The following CACNA1S variants were observed in gnomAD, a reference collection of about 807,000 sequenced individuals.
CACNA1S encodes the protein calcium voltage-gated channel subunit alpha1 S, also known as voltage-dependent L-type calcium channel subunit alpha-1S.
Under a neutral mutation model 207.4 loss-of-function variants are expected in CACNA1S, and 126 were observed. The ratio of observed to expected loss-of-function variants is 0.61; its 90% CI spans 0.53 to 0.70. CACNA1S has a LOEUF of 0.70. CACNA1S is among the 30% of genes least tolerant of loss of function. CACNA1S has a pLI of 0.00. For missense variants in CACNA1S, 2,349 were observed against 2,422.8 expected, an observed-to-expected ratio of 0.97 and a Z score of 0.64; for synonymous variants, 960 against 932.7, an observed-to-expected ratio of 1.03 and a Z score of -0.53.
At chr1:201,079,811 C>G (rs555202509) in intron 10 of CACNA1S, among the ~76,000 whole-genome samples, 1 of 152,288 alleles carries the variant, frequency 6.6e-6, no homozygotes, top group Admixed American at 6.5e-5. Context: ...GGGTAGAACA[C>G]CCCTTTTCTC....
At position 201,054,487 on chromosome 1, in the gene CACNA1S, C is replaced by A; in HGVS notation, c.3666+18G>T. 1 of 1,611,340 alleles carries A rather than the reference C, an allele frequency of 6.2e-7. No individual in the cohort carries two copies. Among genetic ancestry groups the A allele is most frequent in the Non-Finnish European group, 8.5e-7 (1 of 1,177,852 alleles). On this transcript the variant is annotated intron_variant, in intron 29 of 43. Coordinates refer to ENST00000362061, the MANE Select transcript of CACNA1S (RefSeq NM_000069.3). Reference sequence around the variant, plus strand: ...AGCTGGTGAGCGTGCCAGGCAGGCTCGTGCAGCCTGAAATTACAACGTTCC... The same window carrying A: ...AGCTGGTGAGCGTGCCAGGCAGGCTAGTGCAGCCTGAAATTACAACGTTCC...
chr1:201,088,462 A>G (rs1460453240), intron 6 of CACNA1S, among the ~76,000 whole-genome samples: 1 of 152,276 alleles, frequency 6.6e-6, no homozygotes, highest in East Asian at 1.9e-4. Flanking sequence ...CACTTACAAT[A>G]AATATTTGTA....
At chr1:201,095,831 C>T (rs567661863) in intron 2 of CACNA1S, among the ~76,000 whole-genome samples, 32 of 152,308 alleles carry the variant, frequency 2.1e-4, no homozygotes, top group Admixed American at 4.6e-4. Context: ...GGCACCCTCC[C>T]TGGCAAGAGG....
At chr1:201,085,637 A>G (rs1662014047) in intron 7 of CACNA1S, 56 bp from the exon 8 acceptor site, 4 of 1,598,604 alleles carry the variant, frequency 2.5e-6, no homozygotes, top group Non-Finnish European at 2.6e-6. Flanking sequence ...GTGTCAAGGA[A>G]AGACTGAGCT....
intron 11 of CACNA1S, 73 bp from the exon 12 acceptor site, chr1:201,077,200 T>C: frequency 7.6e-7 from 1 of 1,310,062 alleles, no homozygotes; most frequent in Non-Finnish European, 1.1e-6. Flanking sequence ...TGGACAGGCT[T>C]GGGGGAAAGA....
intron 28 of CACNA1S, among the ~76,000 whole-genome samples, chr1:201,054,776 T>G (rs1660778908): frequency 1.3e-5 from 2 of 150,824 alleles, no homozygotes; most frequent in African/African-American, 2.4e-5. Context: ...AGGCAAGAGG[T>G]GGGGGACAAG....
intron 19 of CACNA1S, among the ~76,000 whole-genome samples, chr1:201,068,034 C>T (rs922004399): frequency 4.6e-5 from 7 of 152,170 alleles, no homozygotes; most frequent in South Asian, 2.1e-4. Context: ...GCTGGAACCC[C>T]GTGCATCTGT....
At chr1:201,087,695 C>A in intron 7 of CACNA1S, 131 bp downstream of exon 7, 2 of 694,336 alleles carry the variant, frequency 2.9e-6, no homozygotes, top group Non-Finnish European at 5.2e-6. Flanking sequence ...CCTCCTCCTC[C>A]CTTCTCTCCT....
chr1:201,088,470 G>A (rs971659918), intron 6 of CACNA1S, among the ~76,000 whole-genome samples: 2 of 152,042 alleles, frequency 1.3e-5, no homozygotes, highest in Non-Finnish European at 2.9e-5. Context: ...ATAAATATTT[G>A]TACTAATCCT....
chr1:201,091,901 G>C (rs1662247035), intron 4 of CACNA1S, 71 bp downstream of exon 4: 2 of 1,607,694 alleles, frequency 1.2e-6, no homozygotes, highest in Admixed American at 1.7e-5. Context: ...GTAGGAAGGG[G>C]ACCCAGAACT....
Position 201,077,085 on chromosome 1 carries a change from G to C in CACNA1S, c.1662C>G (p.Asn554Lys). 6.2e-7 allele frequency: 1 copy of C among 1,614,210 alleles called. No individual in the cohort carries two copies. Among genetic ancestry groups the C allele is most frequent in the Middle Eastern group, 1.7e-4 (1 of 6,060 alleles). The change falls in exon 12 of 44, where the codon AAC (asparagine) becomes AAG (lysine). Residue 554 changes from asparagine to lysine, a missense_variant. Physicochemically the swap from Asn to Lys is moderately conservative, Grantham distance 94 (BLOSUM62 0). Transcript: ENST00000362061. ...GCAGGGAGGCGATGGAGCGGATGGA[G>C]TTGAGCAGGGATGCCACCAGGTTGC... ...SLSNLVASLL[N>K]SIRSIASLLL... is the part of the protein sequence containing the mutation.
At chr1:201,058,054 G>A (rs1238613237) in intron 28 of CACNA1S, among the ~76,000 whole-genome samples, 1 of 152,094 alleles carries the variant, frequency 6.6e-6, no homozygotes, top group African/African-American at 2.4e-5. Context: ...CCTGCCTGAG[G>A]TGCTTGCTCT....
chr1:201,076,080 A>G, intron 12 of CACNA1S, among the ~76,000 whole-genome samples: 1 of 152,190 alleles, frequency 6.6e-6, no homozygotes, highest in Non-Finnish European at 1.5e-5. Flanking sequence ...AAAACAAAAC[A>G]AAACCCCTAT....
At chr1:201,091,603 GC>G (rs778064291) in intron 5 of CACNA1S, 36 bp downstream of exon 5, 1 of 1,613,426 alleles carries the variant, frequency 6.2e-7, no homozygotes, top group South Asian at 1.1e-5. Context: ...GCCATCCTAG[GC>G]CCTGCCCCAC....
At chr1:201,062,422 T>C (rs1178753906) in intron 23 of CACNA1S, 40 bp downstream of exon 23, 1 of 1,595,384 alleles carries the variant, frequency 6.3e-7, no homozygotes, top group Non-Finnish European at 8.6e-7. Flanking sequence ...CCATGCTCCC[T>C]GCCCCGTGAC....
In CACNA1S at chr1:201,039,790, G is replaced by T. The variant is rs1164507615; in HGVS notation, c.*41C>A. On this transcript the variant is annotated 3_prime_UTR_variant, in exon 44 of 44. Transcript: ENST00000362061. Reference sequence around the variant, plus strand: ...CCCCAGCAACTTCCCCACCCCCATTGGTCATGCCAGCTCTAAGCCCATGCT... The same window carrying T: ...CCCCAGCAACTTCCCCACCCCCATTTGTCATGCCAGCTCTAAGCCCATGCT... 3 of 1,599,728 alleles carry T rather than the reference G, an allele frequency of 1.9e-6. No homozygotes were observed. The highest frequency in any genetic ancestry group is 1.7e-5 in the Admixed American group (1 of 60,000).
chr1:201,049,417 T>C (rs1226880798), intron 34 of CACNA1S, among the ~76,000 whole-genome samples: 3 of 152,208 alleles, frequency 2.0e-5, no homozygotes, highest in South Asian at 4.1e-4. Flanking sequence ...GTCAAGTTAA[T>C]AGGGGCCCTT....
rs772652947 is a variant in CACNA1S, at chr1:201,110,152, G to T, written c.258+12C>A. 1.2e-6 allele frequency: 2 copies of T among 1,611,256 alleles called. No homozygotes were observed. Among genetic ancestry groups the T allele is most frequent in the Non-Finnish European group, 8.5e-7 (1 of 1,177,354 alleles). ...AGGCTCGCAGGAAGGGAGATGGAAG[G>T]GCCAATCTTACCAGGCCGAGGTTCA... On this transcript the variant is annotated intron_variant, in intron 2 of 43. Transcript: ENST00000362061.
In CACNA1S at chr1:201,053,817, C is replaced by T. The variant is rs767309437; in HGVS notation, c.3667-230G>A. Among the ~76,000 whole-genome samples the T allele has an allele frequency of 9.2e-5, 14 of 152,278 alleles. No homozygotes were observed. The highest frequency in any genetic ancestry group is 4.1e-4 in the South Asian group (2 of 4,824). ...GAAGAGGACGTGGGGCACCAGGCAG[C>T]GTGGTGAAGCCCACACTTGGGAGCA... is the stretch of plus-strand genomic sequence containing the variant. On this transcript the variant is annotated intron_variant, in intron 29 of 43. Coordinates refer to ENST00000362061, the MANE Select transcript of CACNA1S (RefSeq NM_000069.3). This position sits in a 1 kb window ranked among gnomAD's most constrained non-coding sequence, Gnocchi z 5.1.
Sources: allele counts gnomAD v4.1 joint callset (sites outside exome capture counted in the v4.1 genomes callset), GRCh38; gene constraint gnomAD v4.1.1; non-coding constraint Gnocchi (gnomAD v3.1); transcripts MANE v1.5; gene names NCBI Gene and HGNC (gene_info 2026-07-23, HGNC 2026-07-21).